The following TSFM variants were observed in gnomAD, a reference collection of about 807,000 sequenced individuals.
The protein encoded by TSFM is elongation factor Ts, mitochondrial.
TSFM carries 29 observed loss-of-function variants against 33.4 expected under a neutral mutation model. The observed-to-expected ratio is 0.87, with a 90% CI of 0.65 to 1.18. The LOEUF (loss-of-function observed/expected upper bound fraction) is 1.18. TSFM is among the 50% of genes most tolerant of loss of function. TSFM has a pLI of 0.00. For missense variants in TSFM, 394 were observed against 395.6 expected (o/e 1.00, Z 0.04); for synonymous variants, 178 against 163.5 (o/e 1.09, Z -0.68).
chr12:57,801,036 G>T (rs1955836725), downstream of TSFM: 2 of 847,596 alleles, frequency 2.4e-6, no homozygotes, highest in Non-Finnish European at 3.8e-6. Context: ...GACAACTATG[G>T]TAATACTAAG....
At chr12:57,787,283 T>G (rs1017429897) in intron 4 of TSFM, 121 bp downstream of exon 4, 2 of 1,039,380 alleles carry the variant, frequency 1.9e-6, no homozygotes, top group Non-Finnish European at 2.7e-6. Context: ...TTAAATGCTA[T>G]CTCTTTGCAT....
At position 57,797,137 on chromosome 12, in the gene TSFM, A is replaced by T; in HGVS notation, c.*554A>T. 1 of 985,446 alleles carries T rather than the reference A, an allele frequency of 1.0e-6. No individual in the cohort carries two copies. Among genetic ancestry groups the T allele is most frequent in the Non-Finnish European group, 1.2e-6 (1 of 829,948 alleles). The allele number at this position is 985,446 out of a possible 1,614,324, so 61.0% of individuals were successfully genotyped here. A position where few individuals can be genotyped will look rare whatever the true frequency, so the allele number is the denominator to read the frequency against. On this transcript the variant is annotated 3_prime_UTR_variant, in exon 6 of 6. Transcript: ENST00000652027. Reference sequence around the variant, plus strand: ...GTTCTGGCCTCATTTAATGAAATTAATAACACATGCCCCTATTTCTCTTTT... The same window carrying T: ...GTTCTGGCCTCATTTAATGAAATTATTAACACATGCCCCTATTTCTCTTTT...
Position 57,796,838 on chromosome 12 carries a change from T to C in TSFM, c.*255T>C. 2 of 1,133,370 alleles carry C rather than the reference T, an allele frequency of 1.8e-6. No homozygotes were observed. The highest frequency in any genetic ancestry group is 2.2e-6 in the Non-Finnish European group (2 of 927,486). The allele number at this position is 1,133,370 out of a possible 1,614,324, so 70.2% of individuals were successfully genotyped here. Reference sequence around the variant, plus strand: ...AGGCATCAACAATACTGCTGCTCCCTTCAACATAGATTTATTATGGTATTT... The same window carrying C: ...AGGCATCAACAATACTGCTGCTCCCCTCAACATAGATTTATTATGGTATTT... On this transcript the variant is annotated 3_prime_UTR_variant, in exon 6 of 6. Transcript: ENST00000652027.
At chr12:57,783,908 G>C (rs775356254) in intron 2 of TSFM, 1 of 701,078 alleles carries the variant, frequency 1.4e-6, no homozygotes, top group South Asian at 1.5e-5. Flanking sequence ...GAGCCACCGC[G>C]CCCGGCTGAC....
intron 3 of TSFM, 116 bp downstream of exon 3, chr12:57,786,407 G>A (rs1955591847): frequency 1.2e-5 from 15 of 1,280,356 alleles, no homozygotes; most frequent in African/African-American, 3.0e-5. Context: ...ACCATAAAGC[G>A]TAGTTGAAGT....
In TSFM at chr12:57,782,794, C is replaced by A. The variant is rs983238298; in HGVS notation, c.-8C>A. 6 of 1,587,058 alleles carry A rather than the reference C, an allele frequency of 3.8e-6. No homozygotes were observed. The highest frequency in any genetic ancestry group is 5.1e-6 in the Non-Finnish European group (6 of 1,167,462). On this transcript the variant is annotated 5_prime_UTR_variant, in exon 1 of 6. Transcript: ENST00000652027. The stretch of plus-strand genomic sequence containing the variant: ...GCCCGCCGGAGGGTGTTTATCGCGG[C>A]TAGAGAGATGTCGCTGCTGCGGTCG...
downstream of TSFM, among the ~76,000 whole-genome samples, chr12:57,799,386 G>A (rs1183886638): frequency 1.3e-5 from 2 of 152,248 alleles, no homozygotes; most frequent in Non-Finnish European, 2.9e-5. Context: ...GGGCCAGATT[G>A]TATAGGCCTT....
intron 3 of TSFM, 91 bp from the exon 4 acceptor site, chr12:57,786,949 T>C (rs1031213383): frequency 5.0e-6 from 7 of 1,391,704 alleles, no homozygotes; most frequent in Non-Finnish European, 6.8e-6. Flanking sequence ...TAGCTTGTTC[T>C]ATCAGTATCT....
downstream of TSFM, chr12:57,799,770 A>C (rs769856640): frequency 2.5e-6 from 4 of 1,613,264 alleles, no homozygotes; most frequent in Non-Finnish European, 3.4e-6. Flanking sequence ...CACTTCCAAC[A>C]GACACAGTTC....
intron 3 of TSFM, 92 bp from the exon 4 acceptor site, chr12:57,786,948 C>T (rs926507221): frequency 2.2e-6 from 3 of 1,375,224 alleles, no homozygotes. Flanking sequence ...GTAGCTTGTT[C>T]TATCAGTATC....
intron 2 of TSFM, among the ~76,000 whole-genome samples, chr12:57,785,641 A>G (rs1397762940): frequency 1.3e-5 from 2 of 152,188 alleles, no homozygotes; most frequent in African/African-American, 4.8e-5. Context: ...CATATGTATT[A>G]TAGTAAATAC....
downstream of TSFM, chr12:57,801,463 G>A: frequency 3.2e-6 from 1 of 315,442 alleles, no homozygotes; most frequent in Non-Finnish European, 6.0e-6. Context: ...TTGAAGGCCA[G>A]GCACAGTGGC....
At position 57,796,806 on chromosome 12, in the gene TSFM, G is replaced by T; in HGVS notation, c.*223G>T. ...GGCCTTATTGACGTGATAGTGTCGT[G>T]GAGAACAGGCATCAACAATACTGCT... is the stretch of plus-strand genomic sequence containing the variant. On this transcript the variant is annotated 3_prime_UTR_variant, in exon 6 of 6. Coordinates refer to ENST00000652027, the MANE Select transcript of TSFM (RefSeq NM_005726.6). The T allele has an allele frequency of 8.5e-7, 1 of 1,181,578 alleles. No individual in the cohort carries two copies. Among genetic ancestry groups the T allele is most frequent in the East Asian group, 3.7e-5 (1 of 26,774 alleles). The allele number at this position is 1,181,578 out of a possible 1,614,324, so 73.2% of individuals were successfully genotyped here.
At chr12:57,802,591 A>G in exon 6 of TSFM, 1 of 708,638 alleles carries the variant, frequency 1.4e-6, no homozygotes, top group South Asian at 1.5e-5. Context: ...TCTGAACTTC[A>G]GCTTCCTGAA....
chr12:57,793,410 G>T (rs567434433), intron 5 of TSFM, among the ~76,000 whole-genome samples: 1 of 152,260 alleles, frequency 6.6e-6, no homozygotes, highest in East Asian at 1.9e-4. Context: ...TTTTAGTAGA[G>T]ACAGGGTTTC....
intron 5 of TSFM, among the ~76,000 whole-genome samples, chr12:57,794,678 A>G (rs1346863673): frequency 6.6e-6 from 1 of 152,230 alleles, no homozygotes; most frequent in Non-Finnish European, 1.5e-5. Context: ...TAGGTGGGTT[A>G]CCTAAGTTCT....
chr12:57,793,870 A>G (rs1296782320), intron 5 of TSFM, among the ~76,000 whole-genome samples: 1 of 152,168 alleles, frequency 6.6e-6, no homozygotes, highest in Non-Finnish European at 1.5e-5. Flanking sequence ...GTTTTTAGGA[A>G]TTTGATCTTT....
In TSFM at chr12:57,796,215, T is replaced by G; in HGVS notation, c.610T>G (p.Trp204Gly). 6.3e-7 allele frequency: 1 copy of G among 1,598,604 alleles called. No homozygotes were observed. The highest frequency in any genetic ancestry group is 8.5e-7 in the Non-Finnish European group (1 of 1,171,156). ...GENMILKRAA[W>G]VKVPSGFYVG... ...AAACATGATTCTTAAACGAGCTGCA[T>G]GGGTGAAGGTGCCATCTGGGTTCTA... The change falls in exon 6 of 6, where the codon TGG becomes GGG. Residue 204 changes from tryptophan to glycine, a missense_variant. This residue lies in a region of TSFM where 186 missense variants were observed against 198.8 expected (regional missense o/e 0.94). Coordinates refer to ENST00000652027, the MANE Select transcript of TSFM (RefSeq NM_005726.6).
chr12:57,789,607 C>T (rs1401102613), intron 4 of TSFM, among the ~76,000 whole-genome samples: 2 of 152,150 alleles, frequency 1.3e-5, no homozygotes, highest in East Asian at 1.9e-4. Flanking sequence ...CTCAGGTGAT[C>T]TGCCCGCCTT....
Sources: allele counts gnomAD v4.1 joint callset (sites outside exome capture counted in the v4.1 genomes callset), GRCh38; gene constraint gnomAD v4.1.1; regional missense constraint gnomAD v4.1.1; transcripts MANE v1.5; gene names NCBI Gene and HGNC (gene_info 2026-07-23, HGNC 2026-07-21).